Variants in AGBL4 observed in about 807,000 individuals in gnomAD.
AGBL4 encodes the protein AGBL carboxypeptidase 4.
AGBL4 carries 58 observed loss-of-function variants against 66.4 expected under a neutral mutation model. The ratio of observed to expected loss-of-function variants is 0.87; its 90% CI spans 0.71 to 1.09. The LOEUF (loss-of-function observed/expected upper bound fraction) is 1.09. Ranked by LOEUF, AGBL4 falls within the 50% of genes least tolerant of loss-of-function variation. The pLI is 0.00. For synonymous variants in AGBL4, 234 were observed against 222.9 expected (o/e 1.05, Z -0.44); for missense variants, 579 against 631.0 (o/e 0.92, Z 0.88).
intron 11 of AGBL4, among the ~76,000 whole-genome samples, chr1:48,565,212 C>T (rs1459880120): frequency 6.6e-6 from 1 of 152,160 alleles, no homozygotes; most frequent in Admixed American, 6.5e-5. Flanking sequence ...AATCACTGCC[C>T]TCTCCCAAGA....
chr1:49,345,294 G>A (rs1216460837), intron 3 of AGBL4, among the ~76,000 whole-genome samples: 4 of 152,100 alleles, frequency 2.6e-5, no homozygotes, highest in African/African-American at 7.2e-5. Context: ...ATTATCATGT[G>A]CAACAGAGAT....
intron 3 of AGBL4, among the ~76,000 whole-genome samples, chr1:49,553,391 A>C (rs1472338916): frequency 6.6e-6 from 1 of 152,198 alleles, no homozygotes; most frequent in East Asian, 1.9e-4. Flanking sequence ...ACCATTCTTC[A>C]CTTACATTTC....
chr1:48,824,033 G>C (rs1271800644), intron 6 of AGBL4, among the ~76,000 whole-genome samples: 1 of 152,092 alleles, frequency 6.6e-6, no homozygotes, highest in Non-Finnish European at 1.5e-5. Context: ...CCCAAGATGT[G>C]TCAATAAGAC....
intron 2 of AGBL4, among the ~76,000 whole-genome samples, chr1:49,795,789 C>A (rs1195724080): frequency 6.6e-6 from 1 of 151,542 alleles, no homozygotes; most frequent in Non-Finnish European, 1.5e-5. Context: ...ACAACATATA[C>A]CAACATAATT....
chr1:49,340,116 A>C (rs1346263293), intron 3 of AGBL4, among the ~76,000 whole-genome samples: 1 of 151,278 alleles, frequency 6.6e-6, no homozygotes, highest in Non-Finnish European at 1.5e-5. Flanking sequence ...TTTCCCTTCC[A>C]CAGCGATCTG....
chr1:49,103,714 T>G (rs1645243639), intron 4 of AGBL4, among the ~76,000 whole-genome samples: 1 of 152,164 alleles, frequency 6.6e-6, no homozygotes, highest in Non-Finnish European at 1.5e-5. Flanking sequence ...AAGAAGATTC[T>G]ACACAATCCA....
Position 48,783,591 on chromosome 1 carries a change from A to G in AGBL4, c.634+83600T>C, listed in dbSNP as rs529198126. ...CTTTGCTGTAACTTTAGGCAAGACA[A>G]TTCACCTCCATGAGCCTCAGCTTTC... On this transcript the variant is annotated intron_variant, in intron 6 of 13. Coordinates refer to ENST00000371839, the MANE Select transcript of AGBL4 (RefSeq NM_032785.4). Among the ~76,000 whole-genome samples, 9 of 152,236 alleles carry G rather than the reference A, an allele frequency of 5.9e-5. No homozygotes were observed. The East Asian group carries it at 1.7e-3, about 29-fold the overall frequency.
rs376854070 is a variant in AGBL4, at chr1:49,734,229, C to T, written c.158-36792G>A. 3.3e-4 allele frequency among the ~76,000 whole-genome samples: 50 copies of T among 151,840 alleles called. 1 individual carries two copies. The South Asian group carries it at 9.6e-3, about 29-fold the overall frequency. ...ATCAGGAACAAAACAAGAATGTTGACTCTTGCTATTAATATTAGAATGGAG... is the reference window on the plus strand; with the variant it reads ...ATCAGGAACAAAACAAGAATGTTGATTCTTGCTATTAATATTAGAATGGAG... On this transcript the variant is annotated intron_variant, in intron 2 of 13. Transcript: ENST00000371839.
At chr1:49,152,986 T>G (rs1474791925) in intron 4 of AGBL4, among the ~76,000 whole-genome samples, 2 of 151,912 alleles carry the variant, frequency 1.3e-5, no homozygotes, top group African/African-American at 2.4e-5. Flanking sequence ...AGAGGTCCAT[T>G]GACAGGAATG....
chr1:48,890,803 C>A (rs906666904), intron 5 of AGBL4, among the ~76,000 whole-genome samples: 3 of 152,184 alleles, frequency 2.0e-5, no homozygotes, highest in Non-Finnish European at 2.9e-5. Flanking sequence ...TGCAGTCTGG[C>A]AGATTCATCA....
chr1:49,660,881 T>C (rs978429870), intron 3 of AGBL4, among the ~76,000 whole-genome samples: 2 of 151,632 alleles, frequency 1.3e-5, no homozygotes, highest in African/African-American at 4.8e-5. Flanking sequence ...TGTTCTCACT[T>C]GTAAGTGGGA....
At chr1:48,560,169 C>T (rs1644376094) in intron 11 of AGBL4, among the ~76,000 whole-genome samples, 1 of 152,168 alleles carries the variant, frequency 6.6e-6, no homozygotes, top group Non-Finnish European at 1.5e-5. Context: ...GCAGGTGTTG[C>T]TTTTTCACTA....
At chr1:50,001,125 T>G (rs1282375458) in intron 1 of AGBL4, among the ~76,000 whole-genome samples, 1 of 151,660 alleles carries the variant, frequency 6.6e-6, no homozygotes, top group Non-Finnish European at 1.5e-5. Flanking sequence ...AGTGATTATA[T>G]ATATGTCTGT....
At position 49,421,027 on chromosome 1, in the gene AGBL4, A is replaced by G. The variant is rs1490808234; in HGVS notation, c.283-175163T>C. Among the ~76,000 whole-genome samples the G allele has an allele frequency of 2.0e-5, 3 of 152,320 alleles. No homozygotes were observed. In the East Asian group the frequency reaches 5.8e-4, roughly 29 times the overall value. ...GCTTAGATCACTCTTATTTCTCACT[A>G]TAACAAATTCTAAGGAAACATCCTG... On this transcript the variant is annotated intron_variant, in intron 3 of 13. Transcript: ENST00000371839.
chr1:49,372,606 TTTTTCTTTCTTTCTTTCTTTC>T (rs1644372254), intron 3 of AGBL4, among the ~76,000 whole-genome samples: 2 of 140,136 alleles, frequency 1.4e-5, no homozygotes, highest in Non-Finnish European at 3.2e-5. Flanking sequence ...TTTCTTTTTC[TTTTTCTTTCTTTCTTTCTTTC>T]TTTCTTTCTT....
rs749954181 is a variant in AGBL4 at position 48,637,585 on chromosome 1, C to T, written c.840-2981G>A. Among the ~76,000 whole-genome samples, 8 of 152,348 alleles carry T rather than the reference C, an allele frequency of 5.3e-5. No individual in the cohort carries two copies. In the East Asian group the frequency reaches 5.8e-4, roughly 11 times the overall value. On this transcript the variant is annotated intron_variant, in intron 8 of 13. Coordinates refer to ENST00000371839, the MANE Select transcript of AGBL4 (RefSeq NM_032785.4). The stretch of plus-strand genomic sequence containing the variant: ...AGGCACCAGCCACTCCTGCCCAGGA[C>T]GTAAACTTGGGACTGGGTGATGCGA...
intron 1 of AGBL4, among the ~76,000 whole-genome samples, chr1:49,924,361 T>C (rs1652556385): frequency 6.6e-6 from 1 of 152,062 alleles, no homozygotes; most frequent in Non-Finnish European, 1.5e-5. Context: ...ACATGGGTGA[T>C]GAAATAATCT....
chr1:49,996,501 C>T (rs1660377587), intron 1 of AGBL4, among the ~76,000 whole-genome samples: 1 of 151,930 alleles, frequency 6.6e-6, no homozygotes. Context: ...TTAATCAAAT[C>T]CAACAATGAC....
intron 3 of AGBL4, among the ~76,000 whole-genome samples, chr1:49,475,255 GT>G (rs2148718189): frequency 6.6e-6 from 1 of 152,078 alleles, no homozygotes; most frequent in Non-Finnish European, 1.5e-5. Flanking sequence ...ATTTGCATAT[GT>G]TGAACCATCC....
Sources: gnomAD v4.1 joint callset for allele counts (sites outside exome capture counted in the v4.1 genomes callset) on GRCh38, gnomAD v4.1.1 for gene constraint, MANE v1.5 for transcripts, NCBI Gene and HGNC (gene_info 2026-07-23, HGNC 2026-07-21) for gene names.